Variants in PPARGC1B observed in about 807,000 individuals in gnomAD.
PPARGC1B encodes peroxisome proliferator-activated receptor gamma coactivator 1-beta.
In PPARGC1B, 34 loss-of-function variants were observed where a neutral mutation model predicts 101.6. That is an observed-to-expected ratio of 0.33 (90% CI 0.25 to 0.45). The LOEUF (loss-of-function observed/expected upper bound fraction) is 0.45, where lower values mean the gene tolerates loss of function less well. PPARGC1B is among the 20% of genes least tolerant of loss of function. The pLI, the probability that PPARGC1B is intolerant of heterozygous loss-of-function variation, is 1.00. For missense variants in PPARGC1B, 1,234 were observed against 1,317.6 expected, an observed-to-expected ratio of 0.94 and a Z score of 0.98; for synonymous variants, 548 against 539.3, an observed-to-expected ratio of 1.02 and a Z score of -0.22.
chr5:149,774,057 A>G (rs1247757503), intron 1 of PPARGC1B, among the ~76,000 whole-genome samples: 1 of 152,162 alleles, frequency 6.6e-6, no homozygotes, highest in Admixed American at 6.5e-5. Context: ...CCACTGTAGC[A>G]CCAGTTAAGA....
chr5:149,754,421 C>G (rs1047996725), intron 1 of PPARGC1B, among the ~76,000 whole-genome samples: 1 of 152,218 alleles, frequency 6.6e-6, no homozygotes, highest in Non-Finnish European at 1.5e-5. Context: ...GTCAGTTAAA[C>G]TCTCTGAGTC....
intron 1 of PPARGC1B, among the ~76,000 whole-genome samples, chr5:149,746,054 G>A (rs1755076998): frequency 1.3e-5 from 2 of 152,224 alleles, no homozygotes; most frequent in Non-Finnish European, 2.9e-5. Flanking sequence ...GTAGCAACAG[G>A]ACTAGAATCC....
intron 1 of PPARGC1B, among the ~76,000 whole-genome samples, chr5:149,774,443 T>C (rs144219179): frequency 6.6e-6 from 1 of 152,104 alleles, no homozygotes; most frequent in African/African-American, 2.4e-5. Context: ...GCCGGGCATA[T>C]AGCAGCGGAT....
chr5:149,741,536 A>G (rs1351954261), intron 1 of PPARGC1B, among the ~76,000 whole-genome samples: 1 of 152,150 alleles, frequency 6.6e-6, no homozygotes, highest in East Asian at 1.9e-4. Flanking sequence ...TCAAATGTCC[A>G]TGTAGCTCAC....
At chr5:149,786,633 A>T (rs1309357006) in intron 1 of PPARGC1B, among the ~76,000 whole-genome samples, 1 of 152,210 alleles carries the variant, frequency 6.6e-6, no homozygotes, top group African/African-American at 2.4e-5. Flanking sequence ...AACTCTTGTC[A>T]CAGGGTGGGC....
At chr5:149,845,502 C>A in intron 10 of PPARGC1B, 1 of 491,674 alleles carries the variant, frequency 2.0e-6, no homozygotes, top group Non-Finnish European at 3.6e-6. Flanking sequence ...CAACAGTACC[C>A]ACCTCACAGG....
Position 149,832,491 on chromosome 5 carries a change from C to T in PPARGC1B, c.583-165C>T, listed in dbSNP as rs1758832462. ...TTCATTCCTCATCCACTGAGCACAG[C>T]CAGGTGCCCGGCTCTGTGTGGGAAG... On this transcript the variant is annotated intron_variant, in intron 4 of 11. Transcript: ENST00000309241. This position sits in a 1 kb window ranked among gnomAD's most constrained non-coding sequence, Gnocchi z 4.9. 1.3e-5 allele frequency among the ~76,000 whole-genome samples: 2 copies of T among 152,146 alleles called. No individual in the cohort carries two copies. Among genetic ancestry groups the T allele is most frequent in the South Asian group, 4.1e-4 (2 of 4,828 alleles).
Position 149,836,885 on chromosome 5 carries a change from G to A in PPARGC1B, c.2430G>A (p.Glu810=). The A allele has an allele frequency of 6.2e-7, 1 of 1,613,146 alleles. No homozygotes were observed. The highest frequency in any genetic ancestry group is 8.5e-7 in the Non-Finnish European group (1 of 1,179,970). ...GCAGCTTCCTCCCAGAGGAGGAAGA[G>A]GAAGAAGGGGAGGAGGAGGAGGAGG... ...GESSFLPEEE[E]EEGEEEEEDD... The change falls in exon 8 of 12, where the codon GAG becomes GAA. Residue 810 remains glutamate (E), a synonymous_variant. Coordinates refer to ENST00000309241, the MANE Select transcript of PPARGC1B (RefSeq NM_133263.4).
At chr5:149,765,630 G>A (rs931316496) in intron 1 of PPARGC1B, among the ~76,000 whole-genome samples, 2 of 152,112 alleles carry the variant, frequency 1.3e-5, no homozygotes, top group Admixed American at 6.5e-5. Context: ...AGGCCGAGGC[G>A]GGCGGATCAC....
intron 2 of PPARGC1B, among the ~76,000 whole-genome samples, chr5:149,824,997 G>A (rs1758453284): frequency 6.6e-6 from 1 of 152,260 alleles, no homozygotes; most frequent in South Asian, 2.1e-4. Flanking sequence ...TATTTCAGAT[G>A]AACTTCCTGC....
At chr5:149,836,136 A>T in intron 7 of PPARGC1B, 127 bp from the exon 8 acceptor site, 1 of 782,910 alleles carries the variant, frequency 1.3e-6, no homozygotes, top group South Asian at 2.0e-5. Flanking sequence ...TAATCCACCC[A>T]CCTCACCCTC....
intron 1 of PPARGC1B, among the ~76,000 whole-genome samples, chr5:149,801,633 G>A (rs940419096): frequency 6.6e-6 from 1 of 152,120 alleles, no homozygotes; most frequent in Non-Finnish European, 1.5e-5. Flanking sequence ...GGAGGAATCA[G>A]AGGGAGCCAG....
chr5:149,770,704 A>T (rs896734495), intron 1 of PPARGC1B, among the ~76,000 whole-genome samples: 1 of 151,830 alleles, frequency 6.6e-6, no homozygotes, highest in African/African-American at 2.4e-5. Flanking sequence ...GTGGTGGCAC[A>T]TGCCTGTAGT....
At chr5:149,787,388 G>A (rs1756851014) in intron 1 of PPARGC1B, among the ~76,000 whole-genome samples, 1 of 152,182 alleles carries the variant, frequency 6.6e-6, no homozygotes, top group Admixed American at 6.5e-5. Flanking sequence ...GAAAGATGAT[G>A]GAAAGGATAA....
intron 1 of PPARGC1B, among the ~76,000 whole-genome samples, chr5:149,810,508 C>G (rs1031076760): frequency 6.6e-6 from 1 of 152,212 alleles, no homozygotes; most frequent in African/African-American, 2.4e-5. Flanking sequence ...GTCATCTCAC[C>G]CCGACACAGC....
chr5:149,833,316 G>C lies in PPARGC1B; in HGVS notation c.1243G>C (p.Glu415Gln), dbSNP rs749706051. 3.1e-6 allele frequency: 5 copies of C among 1,613,376 alleles called. No homozygotes were observed. The African/African-American group carries it at 5.3e-5, about 17-fold the overall frequency. Reference protein sequence around the residue: ...PRPSLRPLRLEVKREVRRPAR... With the variant: ...PRPSLRPLRLQVKREVRRPAR... ...ACCAAGCCTGCGCCCACTGCGGCTG[G>C]AGGTGAAAAGGGAGGTCCGCCGGCC... The change falls in exon 5 of 12, where the codon GAG becomes CAG. Residue 415 changes from glutamate to glutamine, a missense_variant. By Grantham distance (29) the Glu-to-Gln change is conservative. This residue lies in a region of PPARGC1B where 734 missense variants were observed against 768.4 expected (regional missense o/e 0.96). Transcript: ENST00000309241. The surrounding 1 kb of genome is among the most constrained non-coding windows in gnomAD (Gnocchi z 4.1).
At position 149,845,530 on chromosome 5, in the gene PPARGC1B, T is replaced by C. The variant is rs569558406; in HGVS notation, c.2817-230T>C. On this transcript the variant is annotated intron_variant, in intron 10 of 11. Transcript: ENST00000309241. ...CTCACAGGCTCATCTGAGGAGTGTC[T>C]GAGGCAAGATGTGATGGCCAACACC... 9.2e-6 allele frequency: 5 copies of C among 542,668 alleles called. No individual in the cohort carries two copies. In the African/African-American group the frequency reaches 9.4e-5, roughly 10 times the overall value. The allele number at this position is 542,668 out of a possible 1,614,324, so 33.6% of individuals were successfully genotyped here.
At chr5:149,778,988 G>A (rs1316427814) in intron 1 of PPARGC1B, among the ~76,000 whole-genome samples, 4 of 152,046 alleles carry the variant, frequency 2.6e-5, no homozygotes, top group Non-Finnish European at 5.9e-5. Context: ...AGTGTCTAGG[G>A]AGCCCTAGAA....
chr5:149,830,030 C>CAA (rs60711433), intron 3 of PPARGC1B, among the ~76,000 whole-genome samples: 480 of 33,720 alleles, frequency 0.014, 3 homozygotes, highest in East Asian at 0.029. Context: ...GACTGCATCT[C>CAA]AAAAAAAAAA....
Sources: gnomAD v4.1 joint callset for allele counts (sites outside exome capture counted in the v4.1 genomes callset) on GRCh38, gnomAD v4.1.1 for gene constraint, gnomAD v4.1.1 regional missense constraint, Gnocchi (gnomAD v3.1) non-coding constraint, MANE v1.5 for transcripts, NCBI Gene and HGNC (gene_info 2026-07-23, HGNC 2026-07-21) for gene names.